RGS11: variants seen among roughly 807,000 people sequenced by gnomAD.
RGS11 encodes the protein regulator of G protein signaling 11.
In RGS11, 86 loss-of-function variants were observed where a neutral mutation model predicts 71.1. That is an observed-to-expected ratio of 1.21 (90% CI 1.02 to 1.45). RGS11 has a LOEUF of 1.45. Among genes scored for constraint, RGS11 ranks in the 40% most tolerant of loss-of-function variants. The probability of loss-of-function intolerance (pLI) is 0.00; values close to 1 mark genes in which losing one functional copy is unlikely to be tolerated. For missense variants in RGS11, 734 were observed against 635.1 expected, an observed-to-expected ratio of 1.16 and a Z score of -1.67; for synonymous variants, 298 against 254.2, an observed-to-expected ratio of 1.17 and a Z score of -1.64.
In RGS11 at chr16:270,678, C is replaced by T. The variant is rs1293083797; in HGVS notation, c.1068-17G>A. ...AGGAACTGCCTAGGGGTGGGGACAG[C>T]ACTGGGTAGTCTCGGCTGGGTGCAC... On this transcript the variant is annotated splice_polypyrimidine_tract_variant and intron_variant, in intron 14 of 16. Transcript: ENST00000397770. The T allele has an allele frequency of 3.1e-6, 5 of 1,610,028 alleles. No homozygotes were observed. The highest frequency in any genetic ancestry group is 4.2e-6 in the Non-Finnish European group (5 of 1,178,832).
chr16:272,088 A>T, intron 9 of RGS11: 1 of 963,842 alleles, frequency 1.0e-6, no homozygotes, highest in Non-Finnish European at 1.3e-6. Flanking sequence ...TGCCCGCCTC[A>T]GCCTCCCAAA....
At chr16:274,185 T>G (rs765099216) in intron 5 of RGS11, 29 bp downstream of exon 5, 1 of 1,602,378 alleles carries the variant, frequency 6.2e-7, no homozygotes, top group East Asian at 2.3e-5. Flanking sequence ...CCTGGGAACT[T>G]GTCTGGGGCC....
chr16:273,629 A>T (rs2052033327), intron 7 of RGS11, 73 bp from the exon 8 acceptor site: 1 of 1,498,126 alleles, frequency 6.7e-7, no homozygotes, highest in African/African-American at 1.4e-5. Context: ...TCAGGCCTGG[A>T]CCTGGGCAGG....
chr16:275,371 G>A (rs1317201866), intron 2 of RGS11, 31 bp downstream of exon 2: 5 of 1,610,512 alleles, frequency 3.1e-6, no homozygotes, highest in Non-Finnish European at 4.2e-6. Context: ...AGGCCGAGGC[G>A]CGCACGCACC....
Position 273,544 on chromosome 16 carries a change from C to T in RGS11, c.519G>A (p.Gln173=). ...QAREQLRAAK[Q]RSKGDRLVIA... is the part of the protein sequence containing the mutation. Reference sequence around the variant, plus strand: ...TGACCAGCCTGTCCCCCTTGCTGCGCTGCTTGGCTGCCCTGGGAGGAGGAG... The same window carrying T: ...TGACCAGCCTGTCCCCCTTGCTGCGTTGCTTGGCTGCCCTGGGAGGAGGAG... The change falls in exon 8 of 17, where the codon CAG becomes CAA. Residue 173 remains glutamine (Q), a synonymous_variant. Transcript: ENST00000397770. 1 of 1,560,120 alleles carries T rather than the reference C, an allele frequency of 6.4e-7. No individual in the cohort carries two copies.
rs141906694 is a variant in RGS11, at chr16:271,180, C to T, written c.863+22G>A. The T allele has an allele frequency of 1.5e-3, 2,475 of 1,608,922 alleles. 40 individuals carry two copies. The African/African-American group carries it at 0.029, about 19-fold the overall frequency. ...CCAGGCTGGGAGCACACCCGCAGTC[C>T]CGCTGCCCCGCCTGGGCTCACGTGG... On this transcript the variant is annotated intron_variant, in intron 12 of 16. Coordinates refer to ENST00000397770, the MANE Select transcript of RGS11 (RefSeq NM_183337.3).
chr16:271,736 G>T, intron 9 of RGS11, 167 bp from the exon 10 acceptor site: 1 of 653,926 alleles, frequency 1.5e-6, no homozygotes, highest in Non-Finnish European at 2.7e-6. Flanking sequence ...TCCAATCAGG[G>T]ATCTTTCGAG....
chr16:274,840 A>G, intron 4 of RGS11, 136 bp downstream of exon 4: 1 of 1,232,532 alleles, frequency 8.1e-7, no homozygotes, highest in South Asian at 1.3e-5. Context: ...GCGATGGACC[A>G]CCAGCCCACG....
At chr16:273,888 GA>G in intron 6 of RGS11, 52 bp from the exon 7 acceptor site, 1 of 1,546,072 alleles carries the variant, frequency 6.5e-7, no homozygotes, top group African/African-American at 1.4e-5. Flanking sequence ...CCCCCAGTGA[GA>G]CTGTGTGGGC....
intron 15 of RGS11, 183 bp from the exon 16 acceptor site, chr16:269,768 T>G: frequency 1.7e-6 from 1 of 574,436 alleles, no homozygotes; most frequent in Non-Finnish European, 3.1e-6. Flanking sequence ...AGACCTGGGC[T>G]CCCGTCTGCC....
chr16:273,696 CTGGGCTTCCCGGGTAGCCTGGGT>C, intron 7 of RGS11, 41 bp downstream of exon 7: 1 of 1,570,374 alleles, frequency 6.4e-7, no homozygotes, highest in South Asian at 1.1e-5. Context: ...CTGGCCTGGG[CTGGGCTTCCCGGGTAGCCTGGGT>C]TGGGCGCCTG....
chr16:274,253 A>G lies in RGS11; in HGVS notation c.331T>C (p.Trp111Arg), dbSNP rs770509276. The G allele has an allele frequency of 1.2e-6, 2 of 1,611,108 alleles. No individual in the cohort carries two copies. The highest frequency in any genetic ancestry group is 2.2e-5 in the East Asian group (1 of 44,742). ...TPYRFQTPYF[W>R]TSTLRPAAEL... ...GCAGCCGGCCTCAGGGTACTTGTCC[A>G]GAAGTACGGGGTCTGGCGTGGTGCA... Residue 111 changes from tryptophan (W) to arginine (R), a missense_variant, in exon 5 of 17, where the codon TGG (tryptophan) becomes CGG (arginine). Physicochemically the swap from Trp to Arg is moderately radical, Grantham distance 101. Coordinates refer to ENST00000397770, the MANE Select transcript of RGS11 (RefSeq NM_183337.3).
intron 3 of RGS11, 68 bp downstream of exon 3, chr16:275,215 C>T: frequency 6.2e-7 from 1 of 1,607,776 alleles, no homozygotes; most frequent in Non-Finnish European, 8.5e-7. Flanking sequence ...CTGCCAGACT[C>T]CAGGAAAACC....
intron 3 of RGS11, 88 bp downstream of exon 3, chr16:275,195 G>A: frequency 3.1e-6 from 5 of 1,601,358 alleles, no homozygotes; most frequent in South Asian, 2.2e-5. Context: ...GCTCAGCAGG[G>A]CTCTGAGAAC....
chr16:272,051 G>C (rs1436934205), intron 9 of RGS11: 1 of 520,998 alleles, frequency 1.9e-6, no homozygotes, highest in African/African-American at 2.0e-5. Flanking sequence ...GATCTAGCTG[G>C]TCTCGAACTC....
At chr16:272,506 T>C (rs2051984345) in intron 9 of RGS11, 1 of 1,363,486 alleles carries the variant, frequency 7.3e-7, no homozygotes, top group Admixed American at 2.2e-5. Flanking sequence ...TGGAGGGAGG[T>C]TGCTGGATCT....
chr16:272,403 T>G, intron 9 of RGS11: 1 of 1,294,662 alleles, frequency 7.7e-7, no homozygotes, highest in Non-Finnish European at 1.0e-6. Context: ...AGATGTTGGG[T>G]CTGGATGGGA....
chr16:269,050 C>G lies in RGS11; in HGVS notation c.*219G>C, dbSNP rs1356493128. 9.1e-7 allele frequency: 1 copy of G among 1,104,818 alleles called. No homozygotes were observed. The highest frequency in any genetic ancestry group is 1.3e-6 in the Non-Finnish European group (1 of 741,186). 68.4% of individuals were successfully genotyped at this position (1,104,818 alleles called of 1,614,324 possible). A position where few individuals can be genotyped will look rare whatever the true frequency, so the allele number is the denominator to read the frequency against. Reference sequence around the variant, plus strand: ...CCCAAGCTGAGCCAATGAACCCCCTCCCTGGGAATCCACACCTGGACCCAT... The same window carrying G: ...CCCAAGCTGAGCCAATGAACCCCCTGCCTGGGAATCCACACCTGGACCCAT... On this transcript the variant is annotated 3_prime_UTR_variant, in exon 17 of 17. Coordinates refer to ENST00000397770, the MANE Select transcript of RGS11 (RefSeq NM_183337.3).
chr16:275,585 C>T (rs966378807), intron 1 of RGS11, 87 bp from the exon 2 acceptor site: 1 of 1,189,124 alleles, frequency 8.4e-7, no homozygotes, highest in African/African-American at 1.6e-5. Context: ...GATCCGGGAG[C>T]GCGGAGATTA....
Sources: allele counts gnomAD v4.1 joint callset, GRCh38; gene constraint gnomAD v4.1.1; transcripts MANE v1.5; gene names NCBI Gene and HGNC (gene_info 2026-07-23, HGNC 2026-07-21).